Variants in POU4F1 observed in about 807,000 individuals in gnomAD.
POU4F1 encodes the protein POU class 4 homeobox 1.
A neutral mutation model predicts 19.8 loss-of-function variants in POU4F1; 5 were observed. The ratio of observed to expected loss-of-function variants is 0.25; its 90% CI spans 0.13 to 0.53. The LOEUF (loss-of-function observed/expected upper bound fraction) is 0.53. POU4F1 is among the 20% of genes least tolerant of loss of function. The pLI is 0.96. For missense variants in POU4F1, 408 were observed against 511.6 expected (o/e 0.80, Z 1.95); for synonymous variants, 266 against 247.7 (o/e 1.07, Z -0.69).
In POU4F1 at chr13:78,601,302, A is replaced by G; in HGVS notation, c.*113T>C. 1 of 1,495,606 alleles carries G rather than the reference A, an allele frequency of 6.7e-7. No individual in the cohort carries two copies. Among genetic ancestry groups the G allele is most frequent in the Non-Finnish European group, 8.9e-7 (1 of 1,119,634 alleles). The allele number at this position is 1,495,606 out of a possible 1,614,324, so 92.6% of individuals were successfully genotyped here. On this transcript the variant is annotated 3_prime_UTR_variant, in exon 2 of 2. Coordinates refer to ENST00000377208, the MANE Select transcript of POU4F1 (RefSeq NM_006237.4). ...AAGAGAGCGAGAAGGGACTCCCCAA[A>G]TGCAGGCAGGATAACGGACACTCCA...
Position 78,600,414 on chromosome 13 carries a change from A to C in POU4F1, c.*1001T>G, listed in dbSNP as rs560566136. 3 of 152,312 alleles carry C rather than the reference A, an allele frequency of 2.0e-5. No homozygotes were observed. The highest frequency in any genetic ancestry group is 4.8e-5 in the African/African-American group (2 of 41,558). The allele number at this position is 152,312 out of a possible 1,614,324, so 9.4% of individuals were successfully genotyped here. Reference sequence around the variant, plus strand: ...GATCTTCGACATAAGAGGAAAAAAAACTGTTGTTAAAATTGTTTCATTTTC... The same window carrying C: ...GATCTTCGACATAAGAGGAAAAAAACCTGTTGTTAAAATTGTTTCATTTTC... On this transcript the variant is annotated 3_prime_UTR_variant, in exon 2 of 2. Transcript: ENST00000377208.
At position 78,601,223 on chromosome 13, in the gene POU4F1, G is replaced by T; in HGVS notation, c.*192C>A. 4.0e-6 allele frequency: 3 copies of T among 751,592 alleles called. No individual in the cohort carries two copies. Among genetic ancestry groups the T allele is most frequent in the South Asian group, 1.9e-5 (1 of 53,484 alleles). The allele number at this position is 751,592 out of a possible 1,614,324, so 46.6% of individuals were successfully genotyped here. Reference sequence around the variant, plus strand: ...TCCAATCCCCACACCCAGCACCCCAGTCCTCAAGGCTAGGGGACAGCAAAG... The same window carrying T: ...TCCAATCCCCACACCCAGCACCCCATTCCTCAAGGCTAGGGGACAGCAAAG... On this transcript the variant is annotated 3_prime_UTR_variant, in exon 2 of 2. Transcript: ENST00000377208.
Position 78,602,283 on chromosome 13 carries a change from G to C in POU4F1, c.392C>G (p.Ala131Gly). 8.2e-7 allele frequency: 1 copy of C among 1,216,200 alleles called. No individual in the cohort carries two copies. Among genetic ancestry groups the C allele is most frequent in the Non-Finnish European group, 1.0e-6 (1 of 978,362 alleles). 75.3% of individuals were successfully genotyped at this position (1,216,200 alleles called of 1,614,324 possible). ...SSPSLALMAG[A>G]GGAGAAAGGG... ...GCCGGCCGCCGCGCCCGCGCCGCCC[G>C]CGCCGGCCATGAGCGCGAGCGACGG... is the stretch of plus-strand genomic sequence containing the variant. Residue 131 changes from alanine (A) to glycine (G), a missense_variant, in exon 2 of 2, where the codon GCG becomes GGG. Around this residue, in one of 4 missense-constraint regions of POU4F1, gnomAD observed 294 missense variants for 288.2 expected, o/e 1.02. Transcript: ENST00000377208.
rs1332913796 is a variant in POU4F1, at chr13:78,599,663, G to A, written c.*1752C>T. 2 of 152,580 alleles carry A rather than the reference G, an allele frequency of 1.3e-5. No individual in the cohort carries two copies. The highest frequency in any genetic ancestry group is 2.4e-5 in the African/African-American group (1 of 41,446). 9.5% of individuals were successfully genotyped at this position (152,580 alleles called of 1,614,324 possible). A position where few individuals can be genotyped will look rare whatever the true frequency, so the allele number is the denominator to read the frequency against. The stretch of plus-strand genomic sequence containing the variant: ...TTTCTTTCCACACCTTTCAGATCAT[G>A]CATGATTTCAGTCTTGTTAATCGGC... On this transcript the variant is annotated 3_prime_UTR_variant, in exon 2 of 2. Transcript: ENST00000377208.
rs568393161 is a variant in POU4F1, at chr13:78,601,948, C to G, written c.727G>C (p.Ala243Pro). 6.5e-6 allele frequency: 8 copies of G among 1,237,336 alleles called. No individual in the cohort carries two copies. The East Asian group carries it at 9.5e-5, about 15-fold the overall frequency. 76.6% of individuals were successfully genotyped at this position (1,237,336 alleles called of 1,614,324 possible). The change falls in exon 2 of 2, where the codon GCA becomes CCA. Residue 243 changes from alanine (A) to proline (P), a missense_variant. Ala to Pro is a conservative substitution (Grantham distance 27). Around this residue, in one of 4 missense-constraint regions of POU4F1, gnomAD observed 294 missense variants for 288.2 expected, o/e 1.02. Coordinates refer to ENST00000377208, the MANE Select transcript of POU4F1 (RefSeq NM_006237.4). ...CCCACCACGGCCGCCGCCGCCGATG[C>G]CGCTGCCACCTGCCCGGCCGCCGCC... Reference protein sequence around the residue: ...AAAAAGQVAAASAAAAVVGAA... With the variant: ...AAAAAGQVAAPSAAAAVVGAA...
chr13:78,602,335 C>T lies in POU4F1; in HGVS notation c.340G>A (p.Gly114Ser), dbSNP rs1874746893. The change falls in exon 2 of 2, where the codon GGC (glycine) becomes AGC (serine). Residue 114 changes from glycine (G) to serine (S), a missense_variant. Gly to Ser is a moderately conservative substitution (Grantham distance 56). This residue lies in a region of POU4F1 where 294 missense variants were observed against 288.2 expected (regional missense o/e 1.02). Coordinates refer to ENST00000377208, the MANE Select transcript of POU4F1 (RefSeq NM_006237.4). ...HHHHHQALEP[G>S]DLLDHISSPS... ...GAGGAGATGTGGTCCAGCAGATCGC[C>T]GGGTTCGAGCGCCTGGTGGTGGTGG... 9 of 1,442,146 alleles carry T rather than the reference C, an allele frequency of 6.2e-6. No homozygotes were observed. The highest frequency in any genetic ancestry group is 8.2e-6 in the Non-Finnish European group (9 of 1,094,236). 89.3% of individuals were successfully genotyped at this position (1,442,146 alleles called of 1,614,324 possible).
rs1046175374 is a variant in POU4F1 at position 78,602,264 on chromosome 13, C to A, written c.411G>T (p.Ala137=). The change falls in exon 2 of 2, where the codon GCG becomes GCT. Residue 137 remains alanine (A), a synonymous_variant. Coordinates refer to ENST00000377208, the MANE Select transcript of POU4F1 (RefSeq NM_006237.4). ...CGTCGTGGGCGCCGCCGCCGCCGGC[C>A]GCCGCGCCCGCGCCGCCCGCGCCGG... The part of the protein sequence containing the change: ...LMAGAGGAGA[A]AGGGGAHDGP... 2.7e-6 allele frequency: 3 copies of A among 1,100,936 alleles called. No individual in the cohort carries two copies. The highest frequency in any genetic ancestry group is 4.3e-5 in the South Asian group (1 of 23,178). 68.2% of individuals were successfully genotyped at this position (1,100,936 alleles called of 1,614,324 possible).
Position 78,603,224 on chromosome 13 carries a change from C to T in POU4F1, c.103G>A (p.Ala35Thr). 1 of 1,553,094 alleles carries T rather than the reference C, an allele frequency of 6.4e-7. No homozygotes were observed. The highest frequency in any genetic ancestry group is 8.7e-7 in the Non-Finnish European group (1 of 1,151,250). The change falls in exon 1 of 2, where the codon GCC becomes ACC. Residue 35 changes from alanine to threonine, a missense_variant. Transcript: ENST00000377208. ...CTTACCGGCGGCGTGGGCAGGCAGGCCCGCCGGATGGCCTCGGAGCTGGAG... is the reference window on the plus strand; with the variant it reads ...CTTACCGGCGGCGTGGGCAGGCAGGTCCGCCGGATGGCCTCGGAGCTGGAG... ...LHSSSEAIRR[A>T]CLPTPPLQSN...
At chr13:78,603,182 G>GCCGC in intron 1 of POU4F1, 22 bp downstream of exon 1, 1 of 1,416,252 alleles carries the variant, frequency 7.1e-7, no homozygotes, top group African/African-American at 1.5e-5. Flanking sequence ...GCGGGCCGGG[G>GCCGC]CCGCGGGCGT....
Position 78,603,226 on chromosome 13 carries a change from C to T in POU4F1, c.101G>A (p.Arg34Gln), listed in dbSNP as rs746280705. 1 of 1,553,234 alleles carries T rather than the reference C, an allele frequency of 6.4e-7. No individual in the cohort carries two copies. The highest frequency in any genetic ancestry group is 1.9e-5 in the Admixed American group (1 of 52,266). ...TACCGGCGGCGTGGGCAGGCAGGCC[C>T]GCCGGATGGCCTCGGAGCTGGAGTG... ...SLHSSSEAIR[R>Q]ACLPTPPLQS... The change falls in exon 1 of 2, where the codon CGG (arginine) becomes CAG (glutamine). Residue 34 changes from arginine to glutamine, a missense_variant. Arg to Gln is a conservative substitution (Grantham distance 43). Transcript: ENST00000377208.
At position 78,602,194 on chromosome 13, in the gene POU4F1, C is replaced by CGCT; in HGVS notation, c.480_481insAGC (p.Gly160_Gly161insSer). ...CCACCGCCGCCTCCCCCGGGGCCGC[C>CGCT]GCCCGGGCCGCCGCCGCCGCCCGGG... On this transcript the variant is annotated inframe_insertion, in exon 2 of 2. Transcript: ENST00000377208. The CGCT allele has an allele frequency of 3.3e-6, 1 of 300,828 alleles. No individual in the cohort carries two copies. Among genetic ancestry groups the CGCT allele is most frequent in the Non-Finnish European group, 4.8e-6 (1 of 209,920 alleles). 18.6% of individuals were successfully genotyped at this position (300,828 alleles called of 1,614,324 possible). A position where few individuals can be genotyped will look rare whatever the true frequency, so the allele number is the denominator to read the frequency against.
chr13:78,602,037 C>G lies in POU4F1; in HGVS notation c.638G>C (p.Gly213Ala), dbSNP rs1874720083. The change falls in exon 2 of 2, where the codon GGG becomes GCG. Residue 213 changes from glycine to alanine, a missense_variant. Coordinates refer to ENST00000377208, the MANE Select transcript of POU4F1 (RefSeq NM_006237.4). Reference protein sequence around the residue: ...AAAAAMNMPSGLPHPGLVAAA... With the variant: ...AAAAAMNMPSALPHPGLVAAA... ...CGCCACCAGCCCGGGGTGCGGCAGC[C>G]CGGACGGCATGTTCATGGCGGCCGC... 5 of 672,182 alleles carry G rather than the reference C, an allele frequency of 7.4e-6. No homozygotes were observed. The highest frequency in any genetic ancestry group is 9.1e-6 in the Non-Finnish European group (5 of 546,450). The allele number at this position is 672,182 out of a possible 1,614,324, so 41.6% of individuals were successfully genotyped here. A position where few individuals can be genotyped will look rare whatever the true frequency, so the allele number is the denominator to read the frequency against.
rs2137400731 is a variant in POU4F1 at position 78,600,685 on chromosome 13, TAA to T, written c.*728_*729del. On this transcript the variant is annotated 3_prime_UTR_variant, in exon 2 of 2. Transcript: ENST00000377208. ...AGGCCTCTCATTGGAACGGAGGAAATAAAGAGGATATGGATGGGGTGGAGGTG... is the reference window on the plus strand; with the variant it reads ...AGGCCTCTCATTGGAACGGAGGAAATAGAGGATATGGATGGGGTGGAGGTG... 1 of 152,226 alleles carries T rather than the reference TAA, an allele frequency of 6.6e-6. No individual in the cohort carries two copies. Among genetic ancestry groups the T allele is most frequent in the South Asian group, 2.1e-4 (1 of 4,804 alleles). 9.4% of individuals were successfully genotyped at this position (152,226 alleles called of 1,614,324 possible). A position where few individuals can be genotyped will look rare whatever the true frequency, so the allele number is the denominator to read the frequency against.
chr13:78,603,308 T>C lies in POU4F1; in HGVS notation c.19A>G (p.Lys7Glu). ...GGATGCATGGCAAAGTGAGGCTGCTTGCTGTTCATGGACATCATCGTGGCG... is the reference window on the plus strand; with the variant it reads ...GGATGCATGGCAAAGTGAGGCTGCTCGCTGTTCATGGACATCATCGTGGCG... MMSMNS[K>E]QPHFAMHPTL... Residue 7 changes from lysine to glutamate, a missense_variant, in exon 1 of 2, where the codon AAG becomes GAG. Lys to Glu is a moderately conservative substitution (Grantham distance 56, BLOSUM62 1). Coordinates refer to ENST00000377208, the MANE Select transcript of POU4F1 (RefSeq NM_006237.4). 6.3e-7 allele frequency: 1 copy of C among 1,580,884 alleles called. No homozygotes were observed. The highest frequency in any genetic ancestry group is 1.8e-5 in the Admixed American group (1 of 56,592).
chr13:78,601,803 G>A lies in POU4F1; in HGVS notation c.872C>T (p.Ser291Leu), dbSNP rs750994811. 8.1e-6 allele frequency: 13 copies of A among 1,612,276 alleles called. No homozygotes were observed. Among genetic ancestry groups the A allele is most frequent in the South Asian group, 5.5e-5 (5 of 90,992 alleles). Residue 291 changes from serine (S) to leucine (L), a missense_variant, in exon 2 of 2, where the codon TCG (serine) becomes TTG (leucine). By Grantham distance (145) the Ser-to-Leu change is moderately radical. Transcript: ENST00000377208. ...KLGVTQADVG[S>L]ALANLKIPGV... The stretch of plus-strand genomic sequence containing the variant: ...CGGGATCTTGAGGTTGGCCAGCGCC[G>A]AGCCCACGTCGGCCTGCGTCACGCC...
rs943957073 is a variant in POU4F1, at chr13:78,601,690, G to A, written c.985C>T (p.Leu329=). The A allele has an allele frequency of 1.2e-6, 2 of 1,613,980 alleles. No individual in the cohort carries two copies. Residue 329 remains leucine (L), a synonymous_variant, in exon 2 of 2, where the codon CTG becomes TTG. Transcript: ENST00000377208. ...TCGGCCTCCTCGAGCCACGCCTGCA[G>A]GATGGGCTTGAGCGCGATCATGTTG... ...HNNMIALKPI[L]QAWLEEAEGA... is the part of the protein sequence containing the mutation.
rs373830031 is a variant in POU4F1, at chr13:78,601,652, G to A, written c.1023C>T (p.Arg341=). The change falls in exon 2 of 2, where the codon CGC becomes CGT. Residue 341 remains arginine (R), a synonymous_variant. Coordinates refer to ENST00000377208, the MANE Select transcript of POU4F1 (RefSeq NM_006237.4). ...AGAGCTCAGGCTTGTTCATTTTCTCGCGCTGGGCGCCCTCGGCCTCCTCGA... is the reference window on the plus strand; with the variant it reads ...AGAGCTCAGGCTTGTTCATTTTCTCACGCTGGGCGCCCTCGGCCTCCTCGA... ...AWLEEAEGAQ[R]EKMNKPELFN... The A allele has an allele frequency of 1.2e-6, 2 of 1,613,726 alleles. No homozygotes were observed. Among genetic ancestry groups the A allele is most frequent in the African/African-American group, 1.3e-5 (1 of 75,044 alleles).
Position 78,601,209 on chromosome 13 carries a change from C to A in POU4F1, c.*206G>T. On this transcript the variant is annotated 3_prime_UTR_variant, in exon 2 of 2. Transcript: ENST00000377208. ...CCCCTACCCTATACTCCAATCCCCA[C>A]ACCCAGCACCCCAGTCCTCAAGGCT... 1 of 811,150 alleles carries A rather than the reference C, an allele frequency of 1.2e-6. No homozygotes were observed. Among genetic ancestry groups the A allele is most frequent in the Non-Finnish European group, 1.8e-6 (1 of 540,836 alleles). 50.2% of individuals were successfully genotyped at this position (811,150 alleles called of 1,614,324 possible). A position where few individuals can be genotyped will look rare whatever the true frequency, so the allele number is the denominator to read the frequency against.
rs1003242336 is a variant in POU4F1, at chr13:78,600,207, G to C, written c.*1208C>G. 4 of 152,130 alleles carry C rather than the reference G, an allele frequency of 2.6e-5. No homozygotes were observed. Among genetic ancestry groups the C allele is most frequent in the Non-Finnish European group, 5.9e-5 (4 of 68,038 alleles). The allele number at this position is 152,130 out of a possible 1,614,324, so 9.4% of individuals were successfully genotyped here. On this transcript the variant is annotated 3_prime_UTR_variant, in exon 2 of 2. Transcript: ENST00000377208. Reference sequence around the variant, plus strand: ...AACGGGACCTAGAAGAGCAAGATGAGTCTCGTTCAGTGGAGAAAACAGGAG... The same window carrying C: ...AACGGGACCTAGAAGAGCAAGATGACTCTCGTTCAGTGGAGAAAACAGGAG...
Sources: gnomAD v4.1 joint callset for allele counts on GRCh38, gnomAD v4.1.1 for gene constraint, gnomAD v4.1.1 regional missense constraint, MANE v1.5 for transcripts, NCBI Gene and HGNC (gene_info 2026-07-23, HGNC 2026-07-21) for gene names.